Variants in ZNF697 observed in about 807,000 individuals in gnomAD.
ZNF697 encodes the protein zinc finger protein 697.
Under a neutral mutation model 32.4 loss-of-function variants are expected in ZNF697, and 23 were observed. That is an observed-to-expected ratio of 0.71 (90% CI 0.51 to 1.01). The LOEUF (loss-of-function observed/expected upper bound fraction) is 1.01, where lower values mean the gene tolerates loss of function less well. Ranked by LOEUF, ZNF697 falls within the 50% of genes least tolerant of loss-of-function variation. The pLI, the probability that ZNF697 is intolerant of heterozygous loss-of-function variation, is 0.00. For missense variants in ZNF697, 930 were observed against 794.0 expected, an observed-to-expected ratio of 1.17 and a Z score of -2.06; for synonymous variants, 418 against 337.2, an observed-to-expected ratio of 1.24 and a Z score of -2.62.
Position 119,620,589 on chromosome 1 carries a change from CTT to C in ZNF697, c.*2114_*2115del, listed in dbSNP as rs373536509. ...TACAAATCAGAATTCAAAACGGACA[CTT>C]GTTTGCTTGTATTACTCCTGACTAG... On this transcript the variant is annotated 3_prime_UTR_variant, in exon 3 of 3. Coordinates refer to ENST00000421812, the MANE Select transcript of ZNF697 (RefSeq NM_001080470.2). 12 of 152,722 alleles carry C rather than the reference CTT, an allele frequency of 7.9e-5. No homozygotes were observed. The East Asian group carries it at 1.2e-3, about 15-fold the overall frequency. The allele number at this position is 152,722 out of a possible 1,614,324, so 9.5% of individuals were successfully genotyped here.
intron 1 of ZNF697, among the ~76,000 whole-genome samples, chr1:119,646,322 A>ACACACAC (rs1649201650): frequency 7.3e-6 from 1 of 136,830 alleles, no homozygotes; most frequent in Non-Finnish European, 1.6e-5. Flanking sequence ...CCCCACTTCC[A>ACACACAC]ACACACACAC....
In ZNF697 at chr1:119,626,028, C is replaced by G; in HGVS notation, c.73G>C (p.Glu25Gln). The change falls in exon 2 of 3, where the codon GAG becomes CAG. Residue 25 changes from glutamate to glutamine, a missense_variant. Physicochemically the swap from Glu to Gln is conservative, Grantham distance 29 (BLOSUM62 2). Transcript: ENST00000421812. ...TCCCCTTCCCTGTCCTCAGAGTCCT[C>G]AAAATCAGAACCCATCCCTTTGTCT... ...SEDKGMGSDF[E>Q]DSEDREGDPE... 6.2e-7 allele frequency: 1 copy of G among 1,613,732 alleles called. No individual in the cohort carries two copies.
In ZNF697 at chr1:119,626,077, A is replaced by G; in HGVS notation, c.24T>C (p.Gly8=). ...CTTCTGAGTCCTGGTGTGCACAGAC[A>G]CCCTGATTATCTTCTTGTTTCATCC... MKQEDNQ[G]VCAHQDSEDK... Residue 8 remains glycine, a synonymous_variant, in exon 2 of 3, where the codon GGT becomes GGC. Coordinates refer to ENST00000421812, the MANE Select transcript of ZNF697 (RefSeq NM_001080470.2). The G allele has an allele frequency of 5.0e-6, 8 of 1,613,972 alleles. No homozygotes were observed. Among genetic ancestry groups the G allele is most frequent in the Non-Finnish European group, 6.8e-6 (8 of 1,179,882 alleles).
rs1165123520 is a variant in ZNF697 at position 119,622,660 on chromosome 1, C to G, written c.*45G>C. ...CCCTGGGTCAGTCCCAGGATATCTA[C>G]CCCCCACAGGCTCCCCAGACGGCAG... On this transcript the variant is annotated 3_prime_UTR_variant, in exon 3 of 3. Transcript: ENST00000421812. 4.1e-6 allele frequency: 6 copies of G among 1,465,502 alleles called. No individual in the cohort carries two copies. The highest frequency in any genetic ancestry group is 1.4e-5 in the African/African-American group (1 of 70,804). 90.8% of individuals were successfully genotyped at this position (1,465,502 alleles called of 1,614,324 possible).
At chr1:119,629,265 T>C (rs926579434) in intron 1 of ZNF697, among the ~76,000 whole-genome samples, 2 of 152,172 alleles carry the variant, frequency 1.3e-5, no homozygotes, top group Non-Finnish European at 2.9e-5. Context: ...CTAGAAGTAA[T>C]AAAAAGGAAG....
rs185195358 is a variant in ZNF697 at position 119,627,970 on chromosome 1, A to T, written c.-37-1833T>A. ...ACAAATACATCCCTTGAGTCTGCAT[A>T]TATAATACACCTGAAAGTGGCTAGG... On this transcript the variant is annotated intron_variant, in intron 1 of 2. Transcript: ENST00000421812. 4.8e-4 allele frequency among the ~76,000 whole-genome samples: 72 copies of T among 149,932 alleles called. 2 individuals are homozygous for T. In the Middle Eastern group the frequency reaches 0.017, roughly 36 times the overall value.
Position 119,621,590 on chromosome 1 carries a change from G to A in ZNF697, c.*1115C>T, listed in dbSNP as rs1408425840. ...CGCAGGCAAAAGACATTCTTACTTA[G>A]ACTAGATCCCTCGTCAATATGCATG... is the stretch of plus-strand genomic sequence containing the variant. On this transcript the variant is annotated 3_prime_UTR_variant, in exon 3 of 3. Coordinates refer to ENST00000421812, the MANE Select transcript of ZNF697 (RefSeq NM_001080470.2). 1 of 152,586 alleles carries A rather than the reference G, an allele frequency of 6.6e-6. No individual in the cohort carries two copies. Among genetic ancestry groups the A allele is most frequent in the Non-Finnish European group, 1.5e-5 (1 of 68,048 alleles). 9.5% of individuals were successfully genotyped at this position (152,586 alleles called of 1,614,324 possible).
chr1:119,648,164 G>A lies in ZNF697; in HGVS notation c.-511C>T, dbSNP rs886291528. On this transcript the variant is annotated 5_prime_UTR_variant, in exon 1 of 3. Coordinates refer to ENST00000421812, the MANE Select transcript of ZNF697 (RefSeq NM_001080470.2). Reference sequence around the variant, plus strand: ...GCGTCTGCCCTTGTGCGGCGGCGGCGGCTGCAGCGGCCGCTGGGTGGCCCG... The same window carrying A: ...GCGTCTGCCCTTGTGCGGCGGCGGCAGCTGCAGCGGCCGCTGGGTGGCCCG... Among the ~76,000 whole-genome samples, 7 of 151,678 alleles carry A rather than the reference G, an allele frequency of 4.6e-5. No individual in the cohort carries two copies. Among genetic ancestry groups the A allele is most frequent in the African/African-American group, 1.7e-4 (7 of 41,310 alleles).
intron 1 of ZNF697, among the ~76,000 whole-genome samples, chr1:119,629,493 G>A (rs1648701288): frequency 6.6e-6 from 1 of 152,158 alleles, no homozygotes; most frequent in East Asian, 1.9e-4. Context: ...GACTGACCTG[G>A]GTTTGAATCC....
At chr1:119,632,888 C>A (rs762509864) in intron 1 of ZNF697, among the ~76,000 whole-genome samples, 4 of 152,310 alleles carry the variant, frequency 2.6e-5, no homozygotes, top group Admixed American at 6.5e-5. Context: ...CAGGGTGATC[C>A]ATTTTCCTGT....
At chr1:119,630,073 G>A (rs975072316) in intron 1 of ZNF697, among the ~76,000 whole-genome samples, 1 of 152,220 alleles carries the variant, frequency 6.6e-6, no homozygotes, top group African/African-American at 2.4e-5. Flanking sequence ...AGAAGTTTAA[G>A]GGGGAAAAGC....
chr1:119,639,335 GTCA>G (rs1649003969), intron 1 of ZNF697, among the ~76,000 whole-genome samples: 1 of 151,940 alleles, frequency 6.6e-6, no homozygotes, highest in Non-Finnish European at 1.5e-5. Flanking sequence ...TTAAAATGTT[GTCA>G]CTTTATTATT....
rs1296988339 is a variant in ZNF697, at chr1:119,621,569, G to A, written c.*1136C>T. Reference sequence around the variant, plus strand: ...GATTTCTACTGTGCCTCCACGCGCAGGCAAAAGACATTCTTACTTAGACTA... The same window carrying A: ...GATTTCTACTGTGCCTCCACGCGCAAGCAAAAGACATTCTTACTTAGACTA... On this transcript the variant is annotated 3_prime_UTR_variant, in exon 3 of 3. Transcript: ENST00000421812. 1.3e-5 allele frequency: 2 copies of A among 152,630 alleles called. No individual in the cohort carries two copies. Among genetic ancestry groups the A allele is most frequent in the African/African-American group, 2.4e-5 (1 of 41,436 alleles). 9.5% of individuals were successfully genotyped at this position (152,630 alleles called of 1,614,324 possible).
chr1:119,622,652 G>A lies in ZNF697; in HGVS notation c.*53C>T. The A allele has an allele frequency of 2.7e-6, 4 of 1,460,646 alleles. No individual in the cohort carries two copies. In the South Asian group the frequency reaches 4.2e-5, roughly 15 times the overall value. 90.5% of individuals were successfully genotyped at this position (1,460,646 alleles called of 1,614,324 possible). On this transcript the variant is annotated 3_prime_UTR_variant, in exon 3 of 3. Transcript: ENST00000421812. ...CTTCCTTCCCCTGGGTCAGTCCCAG[G>A]ATATCTACCCCCCACAGGCTCCCCA...
At position 119,623,814 on chromosome 1, in the gene ZNF697, G is replaced by C. The variant is rs933478776; in HGVS notation, c.529C>G (p.Leu177Val). 1 of 1,547,468 alleles carries C rather than the reference G, an allele frequency of 6.5e-7. No homozygotes were observed. ...HHPMAVDLGE[L>V]DSLVASIMDA... The stretch of plus-strand genomic sequence containing the variant: ...ATGATGCTGGCCACCAGGCTATCCA[G>C]CTCCCCGAGGTCCACGGCCATGGGG... The change falls in exon 3 of 3, where the codon CTG becomes GTG. Residue 177 changes from leucine (L) to valine (V), a missense_variant. Physicochemically the swap from Leu to Val is conservative, Grantham distance 32. Transcript: ENST00000421812.
chr1:119,624,099 C>T lies in ZNF697; in HGVS notation c.244G>A (p.Glu82Lys). The T allele has an allele frequency of 6.3e-7, 1 of 1,580,052 alleles. No homozygotes were observed. The highest frequency in any genetic ancestry group is 1.2e-5 in the South Asian group (1 of 86,302). ...TCCCCACGGACAGAAACGCCTTCTT[C>T]CTCACTCAGCTGCCCCTCTGCAACA... ...DICTEGQLSE[E>K]EGVSVRGEED... The change falls in exon 3 of 3, where the codon GAA becomes AAA. Residue 82 changes from glutamate (E) to lysine (K), a missense_variant. Transcript: ENST00000421812.
intron 1 of ZNF697, among the ~76,000 whole-genome samples, chr1:119,634,563 AC>A (rs1413347231): frequency 6.6e-6 from 1 of 152,254 alleles, no homozygotes; most frequent in Non-Finnish European, 1.5e-5. Flanking sequence ...ACACTTAAAA[AC>A]AGGTTTGAAA....
At chr1:119,645,248 T>C (rs1466900421) in intron 1 of ZNF697, among the ~76,000 whole-genome samples, 1 of 152,228 alleles carries the variant, frequency 6.6e-6, no homozygotes, top group Non-Finnish European at 1.5e-5. Context: ...ATCACAGGTC[T>C]ATGAGAAAGG....
chr1:119,635,495 C>A (rs1382477701), intron 1 of ZNF697, among the ~76,000 whole-genome samples: 3 of 152,158 alleles, frequency 2.0e-5, no homozygotes, highest in Non-Finnish European at 4.4e-5. Context: ...CCCACCAGAA[C>A]TTGTTTATTT....
Sources: allele counts gnomAD v4.1 joint callset (sites outside exome capture counted in the v4.1 genomes callset), GRCh38; gene constraint gnomAD v4.1.1; transcripts MANE v1.5; gene names NCBI Gene and HGNC (gene_info 2026-07-23, HGNC 2026-07-21).